RAD23B: variants seen among roughly 807,000 people sequenced by gnomAD.
RAD23B encodes lysine-specific demethylase RAD23B.
RAD23B carries 5 observed loss-of-function variants against 49.1 expected under a neutral mutation model. The ratio of observed to expected loss-of-function variants is 0.10; its 90% CI spans 0.05 to 0.21. The LOEUF (loss-of-function observed/expected upper bound fraction) is 0.21. Among genes scored for constraint, RAD23B ranks in the 10% least tolerant of loss-of-function variants. RAD23B has a pLI of 1.00. For synonymous variants in RAD23B, 184 were observed against 165.4 expected (o/e 1.11, Z -0.86); for missense variants, 356 against 486.7 (o/e 0.73, Z 2.53).
chr9:107,284,916 A>G, intron 1 of RAD23B: 1 of 1,295,416 alleles, frequency 7.7e-7, no homozygotes, highest in Non-Finnish European at 1.0e-6. Flanking sequence ...ATTAGATGGT[A>G]TGTATTTACT....
chr9:107,328,661 C>T (rs1365113552), intron 9 of RAD23B, among the ~76,000 whole-genome samples: 1 of 152,164 alleles, frequency 6.6e-6, no homozygotes. Flanking sequence ...TCACCTCCTC[C>T]CGTGCGGCCC....
intron 1 of RAD23B, among the ~76,000 whole-genome samples, chr9:107,291,000 T>A (rs1389578126): frequency 6.6e-6 from 1 of 152,228 alleles, no homozygotes. Context: ...GATAAATAAA[T>A]GTTTTTTATA....
At chr9:107,294,039 T>C (rs932629114) in intron 1 of RAD23B, among the ~76,000 whole-genome samples, 6 of 152,236 alleles carry the variant, frequency 3.9e-5, no homozygotes, top group Non-Finnish European at 7.3e-5. Flanking sequence ...TGACTACTTT[T>C]AATGGTTGTT....
In RAD23B at chr9:107,304,502, A is replaced by G. The variant is rs118067595; in HGVS notation, c.229-1877A>G. On this transcript the variant is annotated intron_variant, in intron 3 of 9. Transcript: ENST00000358015. ...TTGGCTGTTAAGAAAGTTAAGCTAAATAGGAAAAGAAGGGAGTAATGCTAC... is the reference window on the plus strand; with the variant it reads ...TTGGCTGTTAAGAAAGTTAAGCTAAGTAGGAAAAGAAGGGAGTAATGCTAC... 8.6e-3 allele frequency among the ~76,000 whole-genome samples: 1,316 copies of G among 152,340 alleles called. 4 individuals carry two copies. Among genetic ancestry groups the G allele is most frequent in the Middle Eastern group, 0.024 (7 of 294 alleles).
intron 1 of RAD23B, among the ~76,000 whole-genome samples, chr9:107,296,286 C>T (rs1419249398): frequency 6.6e-6 from 1 of 152,190 alleles, no homozygotes; most frequent in Non-Finnish European, 1.5e-5. Flanking sequence ...AATGTTGAAG[C>T]ATCTTGGCAT....
intron 1 of RAD23B, among the ~76,000 whole-genome samples, chr9:107,292,093 C>T (rs1055061503): frequency 2.6e-5 from 4 of 152,144 alleles, no homozygotes; most frequent in African/African-American, 7.2e-5. Flanking sequence ...AATACATGAA[C>T]ACAACTACAC....
chr9:107,302,026 A>C lies in RAD23B; in HGVS notation c.149-9A>C, dbSNP rs1266213087. On this transcript the variant is annotated splice_polypyrimidine_tract_variant and intron_variant, in intron 2 of 9. Coordinates refer to ENST00000358015, the MANE Select transcript of RAD23B (RefSeq NM_002874.5). ...CCTTAAATGATTTTTTTTTCTCTTA[A>C]TGTATTAGGCAAAATCCTCAATGAT... is the stretch of plus-strand genomic sequence containing the variant. 2 of 1,608,120 alleles carry C rather than the reference A, an allele frequency of 1.2e-6. No homozygotes were observed. Among genetic ancestry groups the C allele is most frequent in the African/African-American group, 1.3e-5 (1 of 74,532 alleles).
chr9:107,300,406 C>G (rs1470769052), intron 2 of RAD23B, among the ~76,000 whole-genome samples, 184 bp downstream of exon 2: 1 of 151,820 alleles, frequency 6.6e-6, no homozygotes, highest in Non-Finnish European at 1.5e-5. Context: ...CACATTTGCC[C>G]TGTGTATTTT....
rs1348422706 is a variant in RAD23B at position 107,306,409 on chromosome 9, A to G, written c.259A>G (p.Thr87Ala). 4 of 1,614,040 alleles carry G rather than the reference A, an allele frequency of 2.5e-6. No homozygotes were observed. The African/African-American group carries it at 4.0e-5, about 16-fold the overall frequency. The change falls in exon 4 of 10, where the codon ACA (threonine) becomes GCA (alanine). Residue 87 changes from threonine to alanine, a missense_variant. Physicochemically the swap from Thr to Ala is moderately conservative, Grantham distance 58. Around this residue, in one of 5 missense-constraint regions of RAD23B, gnomAD observed 137 missense variants for 122.0 expected, o/e 1.12. Transcript: ENST00000358015. ...PKAVSTPAPA[T>A]TQQSAPASTT... ...AGCAGTGTCCACACCAGCACCAGCT[A>G]CAACTCAGCAGTCAGCTCCTGCCAG... is the stretch of plus-strand genomic sequence containing the variant.
chr9:107,300,495 C>CT (rs964481640), intron 2 of RAD23B, among the ~76,000 whole-genome samples: 42 of 146,136 alleles, frequency 2.9e-4, no homozygotes, highest in South Asian at 1.1e-3. Flanking sequence ...TCAAACGGAG[C>CT]TTTTTTTTTT....
intron 5 of RAD23B, among the ~76,000 whole-genome samples, chr9:107,316,045 C>T (rs1486741129): frequency 6.6e-6 from 1 of 150,846 alleles, no homozygotes; most frequent in Non-Finnish European, 1.5e-5. Context: ...CAGTCTTGCT[C>T]TGTCGCCAGA....
intron 1 of RAD23B, among the ~76,000 whole-genome samples, chr9:107,299,532 C>T (rs544436025): frequency 1.3e-5 from 2 of 152,302 alleles, no homozygotes; most frequent in South Asian, 2.1e-4. Flanking sequence ...AGAAGCTAAG[C>T]TGCTTGTTTA....
chr9:107,305,310 A>G (rs73515799), intron 3 of RAD23B, among the ~76,000 whole-genome samples: 3,350 of 152,262 alleles, frequency 0.022, 117 homozygotes, highest in African/African-American at 0.074. Flanking sequence ...CTCAAAAAGA[A>G]ACAAAAGAAA....
At chr9:107,290,832 A>G (rs1019749884) in intron 1 of RAD23B, among the ~76,000 whole-genome samples, 1 of 152,194 alleles carries the variant, frequency 6.6e-6, no homozygotes, top group Non-Finnish European at 1.5e-5. Context: ...ATAATCAGCA[A>G]TTTTGAACAG....
intron 9 of RAD23B, among the ~76,000 whole-genome samples, chr9:107,327,757 C>G (rs538143043): frequency 3.3e-4 from 50 of 152,104 alleles, no homozygotes; most frequent in South Asian, 1.2e-3. Flanking sequence ...TCTGATAGAT[C>G]TAGTTTGTAG....
At chr9:107,293,848 A>T (rs1468318919) in intron 1 of RAD23B, among the ~76,000 whole-genome samples, 1 of 152,206 alleles carries the variant, frequency 6.6e-6, no homozygotes, top group Non-Finnish European at 1.5e-5. Flanking sequence ...CGCTGACAAG[A>T]TTATAGCTCA....
intron 7 of RAD23B, among the ~76,000 whole-genome samples, chr9:107,323,010 G>A (rs1827140257): frequency 6.6e-6 from 1 of 152,164 alleles, no homozygotes; most frequent in African/African-American, 2.4e-5. Context: ...CCCATGTGCT[G>A]TGGTCATTTC....
At chr9:107,297,253 G>A (rs1024634571) in intron 1 of RAD23B, among the ~76,000 whole-genome samples, 9 of 151,672 alleles carry the variant, frequency 5.9e-5, no homozygotes, top group Non-Finnish European at 8.8e-5. Flanking sequence ...AACATTTTTA[G>A]TGTTTAGTCT....
chr9:107,326,218 T>C (rs963485933), intron 9 of RAD23B, among the ~76,000 whole-genome samples: 1 of 152,170 alleles, frequency 6.6e-6, no homozygotes, highest in African/African-American at 2.4e-5. Flanking sequence ...TGGGTAATAC[T>C]GGCCTCTTAG....
Sources: gnomAD v4.1 joint callset for allele counts (sites outside exome capture counted in the v4.1 genomes callset) on GRCh38, gnomAD v4.1.1 for gene constraint, gnomAD v4.1.1 regional missense constraint, MANE v1.5 for transcripts, NCBI Gene and HGNC (gene_info 2026-07-23, HGNC 2026-07-21) for gene names.